Variants in NBEA observed in about 807,000 individuals in gnomAD.
The protein encoded by NBEA is neurobeachin.
Under a neutral mutation model 343.4 loss-of-function variants are expected in NBEA, and 44 were observed. The observed-to-expected ratio is 0.13, with a 90% CI of 0.10 to 0.16. NBEA has a LOEUF of 0.16. Among genes scored for constraint, NBEA ranks in the 10% least tolerant of loss-of-function variants. The pLI is 1.00. For synonymous variants in NBEA, 1,175 were observed against 1,238.7 expected, an observed-to-expected ratio of 0.95 and a Z score of 1.08; for missense variants, 2,555 against 3,631.3, an observed-to-expected ratio of 0.70 and a Z score of 7.62.
At chr13:34,946,336 C>T (rs965872144) in intron 1 of NBEA, among the ~76,000 whole-genome samples, 1 of 152,096 alleles carries the variant, frequency 6.6e-6, no homozygotes, top group Non-Finnish European at 1.5e-5. Context: ...TGTAAACACA[C>T]TTAACATATG....
intron 10 of NBEA, among the ~76,000 whole-genome samples, chr13:35,081,448 A>T (rs1325632017): frequency 6.6e-6 from 1 of 152,012 alleles, no homozygotes; most frequent in Non-Finnish European, 1.5e-5. Flanking sequence ...TAAAATACAT[A>T]TATTATTTTT....
At chr13:35,657,232 T>TC (rs934116760) in intron 55 of NBEA, among the ~76,000 whole-genome samples, 3 of 152,210 alleles carry the variant, frequency 2.0e-5, no homozygotes, top group African/African-American at 7.2e-5. Flanking sequence ...AGTTGAACAG[T>TC]GGATGAAGAA....
At chr13:35,422,702 T>C (rs572217682) in intron 38 of NBEA, among the ~76,000 whole-genome samples, 192 of 152,316 alleles carry the variant, frequency 1.3e-3, no homozygotes, top group African/African-American at 4.1e-3. Context: ...TTTCTAGTTC[T>C]AGATACCTGA....
At chr13:35,285,649 C>CT (rs2035370585) in intron 34 of NBEA, among the ~76,000 whole-genome samples, 1 of 152,154 alleles carries the variant, frequency 6.6e-6, no homozygotes, top group Non-Finnish European at 1.5e-5. Context: ...TGCCTTGAGT[C>CT]TGTCTCTCCT....
intron 10 of NBEA, among the ~76,000 whole-genome samples, chr13:35,074,418 T>C (rs563990272): frequency 1.3e-5 from 2 of 152,292 alleles, no homozygotes; most frequent in East Asian, 3.9e-4. Flanking sequence ...TAAGACAGTT[T>C]TGCTTTGAAA....
At chr13:35,661,217 G>C (rs917365648) in intron 55 of NBEA, among the ~76,000 whole-genome samples, 1 of 152,166 alleles carries the variant, frequency 6.6e-6, no homozygotes, top group Non-Finnish European at 1.5e-5. Flanking sequence ...GGGTGTCTGG[G>C]CTTTACGCAG....
In NBEA at chr13:35,308,448, A is replaced by ATATATATATATATATATATATATATATG. The variant is rs1594155380; in HGVS notation, c.5839-1055_5839-1054insATGTATATATATATATATATATATATAT. 8.0e-5 allele frequency among the ~76,000 whole-genome samples: 9 copies of ATATATATATATATATATATATATATATG among 112,600 alleles called. No individual in the cohort carries two copies. In the East Asian group the frequency reaches 2.0e-3, roughly 25 times the overall value. The allele number at this position is 112,600 out of a possible 152,430, so 73.9% of individuals were successfully genotyped here. A position where few individuals can be genotyped will look rare whatever the true frequency, so the allele number is the denominator to read the frequency against. ...AAACACTGCTATTTACTATATATAT[A>ATATATATATATATATATATATATATATG]TATATATATATATATATATATATAT... On this transcript the variant is annotated intron_variant, in intron 35 of 58. Coordinates refer to ENST00000379939, the MANE Select transcript of NBEA (RefSeq NM_001385012.1).
chr13:35,393,726 T>TA (rs1366854088), intron 38 of NBEA, among the ~76,000 whole-genome samples: 2 of 152,110 alleles, frequency 1.3e-5, no homozygotes, highest in Non-Finnish European at 2.9e-5. Context: ...CAATTAGAAA[T>TA]ACAATTTTAG....
chr13:35,474,014 T>C (rs1454143812), intron 41 of NBEA, among the ~76,000 whole-genome samples: 1 of 152,146 alleles, frequency 6.6e-6, no homozygotes, highest in Non-Finnish European at 1.5e-5. Flanking sequence ...GTCTTACAAG[T>C]AAGTTAGAGA....
At chr13:35,131,900 G>T (rs966169794) in intron 17 of NBEA, among the ~76,000 whole-genome samples, 1 of 152,116 alleles carries the variant, frequency 6.6e-6, no homozygotes, top group Non-Finnish European at 1.5e-5. Context: ...TGGAAGTAAA[G>T]AACGTAACTA....
chr13:35,526,730 C>T (rs2077993118), intron 41 of NBEA, among the ~76,000 whole-genome samples: 1 of 152,190 alleles, frequency 6.6e-6, no homozygotes, highest in South Asian at 2.1e-4. Flanking sequence ...GCGAGCCAGG[C>T]ACAGAGTGGT....
chr13:35,110,373 T>A (rs2066140801), intron 12 of NBEA, among the ~76,000 whole-genome samples: 1 of 152,102 alleles, frequency 6.6e-6, no homozygotes, highest in Non-Finnish European at 1.5e-5. Context: ...AATTTGAAAT[T>A]GCATGAACTT....
At chr13:35,481,262 G>T (rs962834671) in intron 41 of NBEA, among the ~76,000 whole-genome samples, 1 of 151,820 alleles carries the variant, frequency 6.6e-6, no homozygotes, top group African/African-American at 2.4e-5. Context: ...TGGAAGTTGG[G>T]AGTATACTTG....
intron 31 of NBEA, among the ~76,000 whole-genome samples, chr13:35,207,155 T>G (rs1419385894): frequency 6.6e-6 from 1 of 151,884 alleles, no homozygotes; most frequent in African/African-American, 2.4e-5. Context: ...AAATTAAGAA[T>G]AATAATTATT....
chr13:35,422,744 A>G (rs1485413638), intron 38 of NBEA, among the ~76,000 whole-genome samples: 2 of 152,160 alleles, frequency 1.3e-5, no homozygotes, highest in East Asian at 3.9e-4. Context: ...ACAATGGTTG[A>G]ACTAGTTTAC....
At chr13:35,378,045 A>G (rs940938446) in intron 38 of NBEA, among the ~76,000 whole-genome samples, 15 of 152,176 alleles carry the variant, frequency 9.9e-5, no homozygotes, top group African/African-American at 3.6e-4. Context: ...TGATTACAAT[A>G]TAGCTTTAGG....
intron 11 of NBEA, among the ~76,000 whole-genome samples, chr13:35,101,434 A>T (rs2065642032): frequency 1.3e-5 from 2 of 151,856 alleles, no homozygotes; most frequent in African/African-American, 2.4e-5. Context: ...ATGACTAGTG[A>T]TGCTGAATAT....
chr13:35,477,993 T>A (rs1013856768), intron 41 of NBEA, among the ~76,000 whole-genome samples: 1 of 152,192 alleles, frequency 6.6e-6, no homozygotes, highest in African/African-American at 2.4e-5. Context: ...TGGATTTTTT[T>A]AATTGTCTAC....
At chr13:35,169,868 A>G (rs549968673) in intron 25 of NBEA, among the ~76,000 whole-genome samples, 1 of 151,934 alleles carries the variant, frequency 6.6e-6, no homozygotes, top group South Asian at 2.1e-4. Context: ...GAAGTAAAGA[A>G]TCTGCATTTT....
Sources: gnomAD v4.1 joint callset for allele counts (sites outside exome capture counted in the v4.1 genomes callset) on GRCh38, gnomAD v4.1.1 for gene constraint, MANE v1.5 for transcripts, NCBI Gene and HGNC (gene_info 2026-07-23, HGNC 2026-07-21) for gene names.